Variants in FAM53B observed in about 807,000 individuals in gnomAD.
The protein encoded by FAM53B is protein FAM53B.
FAM53B carries 12 observed loss-of-function variants against 32.7 expected under a neutral mutation model. That is an observed-to-expected ratio of 0.37 (90% CI 0.24 to 0.59). The LOEUF (loss-of-function observed/expected upper bound fraction) is 0.59. Ranked by LOEUF, FAM53B falls within the 20% of genes least tolerant of loss-of-function variation. The probability of loss-of-function intolerance (pLI) is 0.72; values close to 1 mark genes in which losing one functional copy is unlikely to be tolerated. For missense variants in FAM53B, 477 were observed against 577.7 expected (o/e 0.83, Z 1.79); for synonymous variants, 234 against 228.7 (o/e 1.02, Z -0.21).
At chr10:124,661,056 T>TAA (rs57830542) in intron 4 of FAM53B, among the ~76,000 whole-genome samples, 1,648 of 130,456 alleles carry the variant, frequency 0.013, 47 homozygotes, top group African/African-American at 0.046. Flanking sequence ...CTACTGAAAT[T>TAA]AAAAAAAAAA....
At chr10:124,695,697 T>C (rs933650653) in intron 3 of FAM53B, among the ~76,000 whole-genome samples, 1 of 151,402 alleles carries the variant, frequency 6.6e-6, no homozygotes, top group African/African-American at 2.5e-5. Flanking sequence ...ACAATTTTAA[T>C]GCTGTGGGAA....
chr10:124,640,177 C>G (rs1486287143), intron 4 of FAM53B, among the ~76,000 whole-genome samples: 1 of 152,258 alleles, frequency 6.6e-6, no homozygotes, highest in Admixed American at 6.5e-5. Flanking sequence ...ATTCAGGGAG[C>G]CCTGACGGCT....
intron 1 of FAM53B, among the ~76,000 whole-genome samples, chr10:124,709,745 G>A (rs181189787): frequency 1.3e-5 from 2 of 151,682 alleles, no homozygotes; most frequent in Admixed American, 1.3e-4. Context: ...AAACTGTACA[G>A]ATATGAAACA....
At chr10:124,739,771 G>T (rs551557010) in intron 1 of FAM53B, among the ~76,000 whole-genome samples, 1 of 152,084 alleles carries the variant, frequency 6.6e-6, no homozygotes, top group African/African-American at 2.4e-5. Context: ...CCATTAAAGC[G>T]GGGGTGCCTG....
chr10:124,680,326 C>G (rs1282834827), intron 4 of FAM53B, among the ~76,000 whole-genome samples: 1 of 152,200 alleles, frequency 6.6e-6, no homozygotes, highest in Non-Finnish European at 1.5e-5. Flanking sequence ...CATAATGCCC[C>G]AGCCAGTGCC....
intron 4 of FAM53B, among the ~76,000 whole-genome samples, chr10:124,656,268 C>T (rs1212871356): frequency 2.6e-5 from 4 of 152,188 alleles, no homozygotes; most frequent in South Asian, 4.1e-4. Flanking sequence ...ACTGTGGAGG[C>T]GCAGTCTGGA....
intron 4 of FAM53B, among the ~76,000 whole-genome samples, chr10:124,624,550 G>C (rs1028896190): frequency 7.2e-5 from 11 of 152,200 alleles, no homozygotes; most frequent in African/African-American, 2.7e-4. Flanking sequence ...CTGCGCAGAA[G>C]CTTCTCCGCT....
At position 124,724,626 on chromosome 10, in the gene FAM53B, C is replaced by T. The variant is rs560315414; in HGVS notation, c.-174-17739G>A. ...GGTGACCCAGGGGATTCTAAGAGGTCGTCCCAAACCTCCCTCTTTTGTAAA... is the reference window on the plus strand; with the variant it reads ...GGTGACCCAGGGGATTCTAAGAGGTTGTCCCAAACCTCCCTCTTTTGTAAA... On this transcript the variant is annotated intron_variant, in intron 1 of 4. Coordinates refer to ENST00000337318, the MANE Select transcript of FAM53B (RefSeq NM_014661.4). Among the ~76,000 whole-genome samples, 6 of 152,308 alleles carry T rather than the reference C, an allele frequency of 3.9e-5. No homozygotes were observed. In the East Asian group the frequency reaches 1.2e-3, roughly 29 times the overall value.
chr10:124,703,048 C>T lies in FAM53B; in HGVS notation c.78+3588G>A, dbSNP rs75537987. The stretch of plus-strand genomic sequence containing the variant: ...ACTAGAAACAGATGCAGGTGCCATA[C>T]TTTTTTTTTTGGAGACACAGTCTCA... On this transcript the variant is annotated intron_variant, in intron 2 of 4. Transcript: ENST00000337318. Among the ~76,000 whole-genome samples the T allele has an allele frequency of 7.6e-4, 114 of 149,608 alleles. 2 individuals carry two copies. In the East Asian group the frequency reaches 0.021, roughly 27 times the overall value.
rs1949311039 is a variant in FAM53B at position 124,621,593 on chromosome 10, A to G, written c.*1649T>C. 6.6e-6 allele frequency: 1 copy of G among 152,254 alleles called. No individual in the cohort carries two copies. The highest frequency in any genetic ancestry group is 1.5e-5 in the Non-Finnish European group (1 of 68,030). 9.4% of individuals were successfully genotyped at this position (152,254 alleles called of 1,614,324 possible). A position where few individuals can be genotyped will look rare whatever the true frequency, so the allele number is the denominator to read the frequency against. On this transcript the variant is annotated 3_prime_UTR_variant, in exon 5 of 5. Coordinates refer to ENST00000337318, the MANE Select transcript of FAM53B (RefSeq NM_014661.4). Reference sequence around the variant, plus strand: ...GCCAGCTCCTTAAAGCTGATTTTTAAGAAGTGCCACCCACATATTGGGAAC... The same window carrying G: ...GCCAGCTCCTTAAAGCTGATTTTTAGGAAGTGCCACCCACATATTGGGAAC...
intron 4 of FAM53B, among the ~76,000 whole-genome samples, chr10:124,670,478 T>C (rs1361472195): frequency 1.3e-5 from 2 of 152,084 alleles, no homozygotes; most frequent in Non-Finnish European, 2.9e-5. Flanking sequence ...CCAACCGTGA[T>C]GGCCCTGCCG....
intron 4 of FAM53B, among the ~76,000 whole-genome samples, chr10:124,665,072 G>A (rs1949660700): frequency 6.6e-6 from 1 of 152,144 alleles, no homozygotes. Flanking sequence ...GCCCTCGCTT[G>A]TGTGCACCAG....
chr10:124,700,294 A>G (rs1949906586), intron 2 of FAM53B, among the ~76,000 whole-genome samples: 1 of 152,036 alleles, frequency 6.6e-6, no homozygotes, highest in Non-Finnish European at 1.5e-5. Flanking sequence ...CCATTCCTAT[A>G]CACACGGCCT....
intron 4 of FAM53B, among the ~76,000 whole-genome samples, chr10:124,668,521 G>T (rs1054966205): frequency 4.6e-5 from 7 of 152,400 alleles, no homozygotes; most frequent in African/African-American, 1.4e-4. Context: ...AGTTAGAACT[G>T]CCTGGCAGAC....
In FAM53B at chr10:124,682,015, G is replaced by A; in HGVS notation, c.498C>T (p.Ser166=). Residue 166 remains serine (S), a synonymous_variant, in exon 4 of 5, where the codon TCC becomes TCT. Coordinates refer to ENST00000337318, the MANE Select transcript of FAM53B (RefSeq NM_014661.4). This position sits in a 1 kb window ranked among gnomAD's most constrained non-coding sequence, Gnocchi z 5.2. ...SNGFSTMQRS[S]SFSLPSRANV... is the part of the protein sequence containing the mutation. ...TGGCCCGGGAAGGGAGGCTGAAGCT[G>A]GAACTCCTCTGCATGGTGCTGAAGC... is the stretch of plus-strand genomic sequence containing the variant. The A allele has an allele frequency of 6.2e-7, 1 of 1,613,984 alleles. No homozygotes were observed. The highest frequency in any genetic ancestry group is 8.5e-7 in the Non-Finnish European group (1 of 1,179,946).
chr10:124,624,254 C>T (rs1589728085), intron 4 of FAM53B, among the ~76,000 whole-genome samples: 1 of 152,220 alleles, frequency 6.6e-6, no homozygotes, highest in Admixed American at 6.5e-5. Context: ...GAGCGGGAGC[C>T]GCAGGCTAGA....
At chr10:124,670,896 C>A (rs1020476574) in intron 4 of FAM53B, among the ~76,000 whole-genome samples, 1 of 152,240 alleles carries the variant, frequency 6.6e-6, no homozygotes, top group African/African-American at 2.4e-5. Context: ...TGACATCCAT[C>A]CCCCTTTCTG....
chr10:124,638,037 T>C (rs3824804), intron 4 of FAM53B, among the ~76,000 whole-genome samples: 62,333 of 152,002 alleles, frequency 0.41, 14,179 homozygotes, highest in Non-Finnish European at 0.52. Flanking sequence ...AATGAAGGAC[T>C]GAAATGATGA....
chr10:124,723,896 T>C (rs757416956), intron 1 of FAM53B, among the ~76,000 whole-genome samples: 2 of 152,218 alleles, frequency 1.3e-5, no homozygotes, highest in African/African-American at 2.4e-5. Flanking sequence ...TAGGTGACTG[T>C]AGTTGAACCG....
Sources: allele counts gnomAD v4.1 joint callset (sites outside exome capture counted in the v4.1 genomes callset), GRCh38; gene constraint gnomAD v4.1.1; non-coding constraint Gnocchi (gnomAD v3.1); transcripts MANE v1.5; gene names NCBI Gene and HGNC (gene_info 2026-07-23, HGNC 2026-07-21).